Variants in SBF2 observed in about 807,000 individuals in gnomAD.
The protein encoded by SBF2 is myotubularin-related protein 13.
SBF2 carries 112 observed loss-of-function variants against 225.2 expected under a neutral mutation model. The ratio of observed to expected loss-of-function variants is 0.50; its 90% CI spans 0.43 to 0.58. The LOEUF (loss-of-function observed/expected upper bound fraction) is 0.58. SBF2 is among the 20% of genes least tolerant of loss of function. The pLI, the probability that SBF2 is intolerant of heterozygous loss-of-function variation, is 0.00. For missense variants in SBF2, 1,996 were observed against 2,206.2 expected (o/e 0.90, Z 1.91); for synonymous variants, 763 against 773.3 (o/e 0.99, Z 0.22).
chr11:10,122,850 C>T (rs933103633), intron 2 of SBF2, among the ~76,000 whole-genome samples: 1 of 152,136 alleles, frequency 6.6e-6, no homozygotes, highest in Non-Finnish European at 1.5e-5. Context: ...GAGTAGATTA[C>T]AAGAATTGAA....
At chr11:9,871,979 A>C (rs184985800) in intron 17 of SBF2, among the ~76,000 whole-genome samples, 2 of 152,328 alleles carry the variant, frequency 1.3e-5, no homozygotes, top group African/African-American at 4.8e-5. Flanking sequence ...GTATACGCCC[A>C]AAGGAATGTA....
At chr11:10,254,900 C>CAGAAAAAAAAAAAAAAAAAAAAA (rs1960726589) in intron 1 of SBF2, among the ~76,000 whole-genome samples, 1 of 44,056 alleles carries the variant, frequency 2.3e-5, no homozygotes, top group Non-Finnish European at 3.8e-5. Flanking sequence ...GACTCTGTCT[C>CAGAAAAAAAAAAAAAAAAAAAAA]AAAAAAAAAA....
At chr11:9,857,536 G>T (rs889894455) in intron 18 of SBF2, among the ~76,000 whole-genome samples, 8 of 152,086 alleles carry the variant, frequency 5.3e-5, no homozygotes, top group African/African-American at 1.9e-4. Context: ...TATTATTACT[G>T]CATACCATGT....
At chr11:10,224,030 G>GT (rs1958447167) in intron 1 of SBF2, among the ~76,000 whole-genome samples, 1 of 152,014 alleles carries the variant, frequency 6.6e-6, no homozygotes, top group African/African-American at 2.4e-5. Flanking sequence ...TGTTTGTGGC[G>GT]TAAGTTTTCA....
At chr11:9,893,016 T>C (rs571736527) in intron 17 of SBF2, among the ~76,000 whole-genome samples, 155 of 152,348 alleles carry the variant, frequency 1.0e-3, no homozygotes, top group Middle Eastern at 3.4e-3. Flanking sequence ...TTGCCTGTTA[T>C]AGTAGCTTTT....
At chr11:10,183,824 T>C (rs1294225495) in intron 2 of SBF2, among the ~76,000 whole-genome samples, 1 of 152,148 alleles carries the variant, frequency 6.6e-6, no homozygotes, top group African/African-American at 2.4e-5. Flanking sequence ...ATTGTGGTTA[T>C]TAGAGGCTGG....
intron 16 of SBF2, among the ~76,000 whole-genome samples, chr11:9,926,891 T>C (rs557543267): frequency 6.6e-6 from 1 of 152,184 alleles, no homozygotes; most frequent in South Asian, 2.1e-4. Context: ...GGAAATAAAA[T>C]GTCGTGTAGA....
intron 2 of SBF2, among the ~76,000 whole-genome samples, chr11:10,099,307 A>G (rs1401893752): frequency 1.3e-5 from 2 of 152,200 alleles, no homozygotes; most frequent in Non-Finnish European, 2.9e-5. Flanking sequence ...GAAAGGGATA[A>G]TATATTCAAA....
intron 1 of SBF2, among the ~76,000 whole-genome samples, chr11:10,291,591 G>C (rs529891634): frequency 1.3e-5 from 2 of 151,682 alleles, no homozygotes; most frequent in African/African-American, 4.9e-5. Flanking sequence ...CCAGTGCTTC[G>C]GGCAGGTGGG....
chr11:10,295,588 A>AC (rs57413806), upstream of SBF2, among the ~76,000 whole-genome samples: 2 of 78,804 alleles, frequency 2.5e-5, no homozygotes, highest in African/African-American at 4.4e-5. Context: ...TAATTAAACC[A>AC]AAAAAAAAAA....
chr11:9,903,486 G>A (rs1411155704), intron 16 of SBF2, among the ~76,000 whole-genome samples: 1 of 152,198 alleles, frequency 6.6e-6, no homozygotes, highest in African/African-American at 2.4e-5. Flanking sequence ...TGCGTCTGCA[G>A]CAAGCTCAAT....
intron 1 of SBF2, among the ~76,000 whole-genome samples, chr11:10,288,893 T>C (rs979948950): frequency 6.6e-6 from 1 of 152,122 alleles, no homozygotes; most frequent in South Asian, 2.1e-4. Context: ...CTCTAGTCCA[T>C]AGGACTGGCA....
chr11:9,933,279 G>A (rs1469561990), intron 16 of SBF2, among the ~76,000 whole-genome samples: 1 of 152,078 alleles, frequency 6.6e-6, no homozygotes, highest in African/African-American at 2.4e-5. Context: ...GGATATCCAG[G>A]ACTTGAACTC....
intron 33 of SBF2, among the ~76,000 whole-genome samples, chr11:9,794,379 T>C (rs1412044234): frequency 6.6e-6 from 1 of 152,060 alleles, no homozygotes; most frequent in Non-Finnish European, 1.5e-5. Context: ...GTCAGTCCAC[T>C]TAAGACCAGG....
intron 21 of SBF2, among the ~76,000 whole-genome samples, chr11:9,852,055 G>A (rs780835844): frequency 1.8e-4 from 28 of 152,234 alleles, no homozygotes; most frequent in Admixed American, 1.5e-3. Flanking sequence ...GATTATAGGC[G>A]TGAGCCATGG....
intron 25 of SBF2, among the ~76,000 whole-genome samples, chr11:9,840,886 C>A (rs1856084899): frequency 6.6e-6 from 1 of 150,438 alleles, no homozygotes; most frequent in African/African-American, 2.4e-5. Flanking sequence ...GAAGAATTTA[C>A]TCAATAATCA....
intron 1 of SBF2, among the ~76,000 whole-genome samples, chr11:10,196,553 A>AT (rs1405738920): frequency 6.6e-6 from 1 of 151,528 alleles, no homozygotes; most frequent in Non-Finnish European, 1.5e-5. Context: ...TAATTTTCAT[A>AT]TTTTTTGTAG....
chr11:9,791,455 A>G (rs1380342291), intron 33 of SBF2, among the ~76,000 whole-genome samples: 1 of 149,826 alleles, frequency 6.7e-6, no homozygotes, highest in Non-Finnish European at 1.5e-5. Flanking sequence ...CAAGCCCAAG[A>G]TGGCATGAAA....
chr11:10,089,812 T>G (rs1951708760), intron 2 of SBF2, among the ~76,000 whole-genome samples: 1 of 152,132 alleles, frequency 6.6e-6, no homozygotes, highest in South Asian at 2.1e-4. Flanking sequence ...AGAATTATAT[T>G]AAGTAGAAAG....
Sources: gnomAD v4.1 joint callset for allele counts (sites outside exome capture counted in the v4.1 genomes callset) on GRCh38, gnomAD v4.1.1 for gene constraint, MANE v1.5 for transcripts, NCBI Gene and HGNC (gene_info 2026-07-23, HGNC 2026-07-21) for gene names.